Variants in ARHGAP12 observed in about 807,000 individuals in gnomAD.
The protein encoded by ARHGAP12 is Rho GTPase activating protein 12.
In ARHGAP12, 64 loss-of-function variants were observed where a neutral mutation model predicts 108.6. The observed-to-expected ratio is 0.59, with a 90% CI of 0.48 to 0.73. ARHGAP12 has a LOEUF of 0.73. ARHGAP12 is among the 30% of genes least tolerant of loss of function. The pLI, the probability that ARHGAP12 is intolerant of heterozygous loss-of-function variation, is 0.00. For synonymous variants in ARHGAP12, 312 were observed against 337.2 expected, an observed-to-expected ratio of 0.93 and a Z score of 0.82; for missense variants, 940 against 1,005.9, an observed-to-expected ratio of 0.93 and a Z score of 0.89.
intron 3 of ARHGAP12, among the ~76,000 whole-genome samples, chr10:31,881,265 A>T (rs1218845797): frequency 6.7e-6 from 1 of 149,998 alleles, no homozygotes; most frequent in South Asian, 2.1e-4. Context: ...GTATCATGTT[A>T]AAAAAAAACA....
intron 3 of ARHGAP12, among the ~76,000 whole-genome samples, chr10:31,891,340 A>G (rs1458118181): frequency 6.6e-6 from 1 of 152,192 alleles, no homozygotes; most frequent in Non-Finnish European, 1.5e-5. Context: ...TCACTTATGA[A>G]GCTTAGTTAG....
Position 31,810,748 on chromosome 10 carries a change from C to T in ARHGAP12, c.1952-1G>A. On this transcript the variant is annotated splice_acceptor_variant, in intron 15 of 19. Coordinates refer to ENST00000344936, the MANE Select transcript of ARHGAP12 (RefSeq NM_018287.7). LOFTEE classifies it high-confidence loss of function. The stretch of plus-strand genomic sequence containing the variant: ...GCGAGATTGGATCCAAATACCTGAT[C>T]TGAAAAAGATTTATTTTTAAAAAGT... 6.2e-7 allele frequency: 1 copy of T among 1,601,684 alleles called. No individual in the cohort carries two copies. The highest frequency in any genetic ancestry group is 8.5e-7 in the Non-Finnish European group (1 of 1,173,476).
Position 31,843,586 on chromosome 10 carries a change from A to G in ARHGAP12, c.1171T>C (p.Tyr391His), listed in dbSNP as rs1372102111. Residue 391 changes from tyrosine to histidine, a missense_variant and splice_region_variant, in exon 7 of 20, where the codon TAT becomes CAT. Coordinates refer to ENST00000344936, the MANE Select transcript of ARHGAP12 (RefSeq NM_018287.7). ...CTTTGCTGCTGGGATGAAGCATTAT[A>G]CTAAAACAAAACAAAGCAAAAAACA... ...GSRSEWELPK[Y>H]NASSQQQREI... The G allele has an allele frequency of 6.3e-7, 1 of 1,588,044 alleles. No individual in the cohort carries two copies. Among genetic ancestry groups the G allele is most frequent in the Admixed American group, 1.9e-5 (1 of 51,328 alleles).
intron 3 of ARHGAP12, among the ~76,000 whole-genome samples, chr10:31,871,775 G>A (rs12266966): frequency 0.051 from 7,724 of 152,198 alleles, 659 homozygotes; most frequent in African/African-American, 0.17. Context: ...TGACAGAGAA[G>A]AGGTGACAGA....
intron 1 of ARHGAP12, among the ~76,000 whole-genome samples, chr10:31,927,258 GA>G (rs1269161843): frequency 8.2e-5 from 5 of 61,070 alleles, no homozygotes; most frequent in African/African-American, 4.5e-4. Flanking sequence ...TGCCTATTCA[GA>G]CCAGAGGAGG....
At chr10:31,865,602 G>T (rs749532110) in intron 3 of ARHGAP12, among the ~76,000 whole-genome samples, 5 of 151,992 alleles carry the variant, frequency 3.3e-5, no homozygotes, top group Non-Finnish European at 5.9e-5. Context: ...CTGGCCAGGC[G>T]CGGCGACTCA....
intron 1 of ARHGAP12, among the ~76,000 whole-genome samples, chr10:31,925,227 C>G (rs945008907): frequency 1.3e-5 from 2 of 152,122 alleles, no homozygotes; most frequent in African/African-American, 2.4e-5. Flanking sequence ...CTACCAGACC[C>G]AATACTGGCC....
At chr10:31,859,449 AGAG>A (rs887858793) in intron 4 of ARHGAP12, among the ~76,000 whole-genome samples, 2 of 142,428 alleles carry the variant, frequency 1.4e-5, no homozygotes, top group Admixed American at 7.3e-5. Flanking sequence ...ATTAAATATG[AGAG>A]GAGAAGACAG....
At position 31,874,898 on chromosome 10, in the gene ARHGAP12, C is replaced by T. The variant is rs565980584; in HGVS notation, c.685-13240G>A. ...CTGAGGCAAGAGAATCTCTTGAACC[C>T]GGGAGGCAGAGGTTGCAGTGAGCCA... On this transcript the variant is annotated intron_variant, in intron 3 of 19. Coordinates refer to ENST00000344936, the MANE Select transcript of ARHGAP12 (RefSeq NM_018287.7). Among the ~76,000 whole-genome samples the T allele has an allele frequency of 6.4e-5, 9 of 141,462 alleles. No homozygotes were observed. The East Asian group carries it at 1.3e-3, about 20-fold the overall frequency. 92.8% of individuals were successfully genotyped at this position (141,462 alleles called of 152,430 possible).
chr10:31,905,353 C>T (rs1412533080), intron 3 of ARHGAP12, among the ~76,000 whole-genome samples: 1 of 152,158 alleles, frequency 6.6e-6, no homozygotes, highest in African/African-American at 2.4e-5. Flanking sequence ...ACCGCAGCCT[C>T]CTGCATAGCT....
At position 31,817,801 on chromosome 10, in the gene ARHGAP12, G is replaced by A. The variant is rs777075091; in HGVS notation, c.1718C>T (p.Thr573Ile). The A allele has an allele frequency of 2.5e-6, 4 of 1,599,606 alleles. No homozygotes were observed. The highest frequency in any genetic ancestry group is 3.4e-6 in the Non-Finnish European group (4 of 1,173,182). The change falls in exon 13 of 20, where the codon ACA becomes ATA. Residue 573 changes from threonine to isoleucine, a missense_variant. Thr to Ile is a moderately conservative substitution (Grantham distance 89). Coordinates refer to ENST00000344936, the MANE Select transcript of ARHGAP12 (RefSeq NM_018287.7). ...INDWFKVLSS[T>I]INNQAVETDE... ...TCAACGACATACCTGATTATTGATT[G>A]TACTACTAAGAACTTTAAACCAATC...
intron 3 of ARHGAP12, among the ~76,000 whole-genome samples, chr10:31,868,940 C>T (rs1837436917): frequency 1.3e-5 from 2 of 152,008 alleles, no homozygotes; most frequent in Admixed American, 1.3e-4. Flanking sequence ...TTTTTAAGTA[C>T]TCTATGTGAT....
chr10:31,855,150 G>T (rs577130600), intron 4 of ARHGAP12, among the ~76,000 whole-genome samples: 2 of 140,326 alleles, frequency 1.4e-5, no homozygotes, highest in South Asian at 4.9e-4. Context: ...GGAAAGGGAG[G>T]GGGAGGAGAA....
At chr10:31,819,660 G>A (rs1438595403) in intron 12 of ARHGAP12, among the ~76,000 whole-genome samples, 1 of 152,182 alleles carries the variant, frequency 6.6e-6, no homozygotes, top group Non-Finnish European at 1.5e-5. Flanking sequence ...GCTCCCTTGA[G>A]AATGAAAGAT....
Position 31,861,447 on chromosome 10 carries a change from G to A in ARHGAP12, c.896C>T (p.Thr299Ile). Residue 299 changes from threonine to isoleucine, a missense_variant, in exon 4 of 20, where the codon ACT becomes ATT. Transcript: ENST00000344936. ...QERTWKPPRWTRDASISKGDF... is the reference protein window; with the variant it reads ...QERTWKPPRWIRDASISKGDF... ...TCCTTTGCTGATGCTTGCATCCCGA[G>A]TCCAACGAGGAGGTTTCCAAGTTCT... The A allele has an allele frequency of 6.2e-7, 1 of 1,614,120 alleles. No homozygotes were observed. The highest frequency in any genetic ancestry group is 1.3e-5 in the African/African-American group (1 of 75,040).
chr10:31,856,652 C>T (rs763011754), intron 4 of ARHGAP12, among the ~76,000 whole-genome samples: 1 of 152,064 alleles, frequency 6.6e-6, no homozygotes, highest in Non-Finnish European at 1.5e-5. Context: ...TCTAGGCATC[C>T]GTCAGAAGAG....
chr10:31,878,481 T>C (rs996753063), intron 3 of ARHGAP12, among the ~76,000 whole-genome samples: 2 of 152,242 alleles, frequency 1.3e-5, no homozygotes, highest in South Asian at 2.1e-4. Flanking sequence ...TCAGGTATTA[T>C]CTGTATAGCA....
At chr10:31,928,250 A>T (rs1393217181) in intron 1 of ARHGAP12, among the ~76,000 whole-genome samples, 3 of 148,576 alleles carry the variant, frequency 2.0e-5, no homozygotes, top group East Asian at 4.1e-4. Flanking sequence ...TTGCACATAG[A>T]CACGCACACA....
chr10:31,848,088 CAA>C lies in ARHGAP12; in HGVS notation c.1170+4427_1170+4428del, dbSNP rs538279752. 2.0e-3 allele frequency among the ~76,000 whole-genome samples: 312 copies of C among 152,284 alleles called. 2 individuals carry two copies. Among genetic ancestry groups the C allele is most frequent in the Middle Eastern group, 6.8e-3 (2 of 294 alleles). On this transcript the variant is annotated intron_variant, in intron 6 of 19. Coordinates refer to ENST00000344936, the MANE Select transcript of ARHGAP12 (RefSeq NM_018287.7). ...CGTGGCAATGGCAGAGGTGCAAGAG[CAA>C]GCCCTGACTACAAGCCCATTTCAAT...
Sources: allele counts gnomAD v4.1 joint callset (sites outside exome capture counted in the v4.1 genomes callset), GRCh38; gene constraint gnomAD v4.1.1; transcripts MANE v1.5; gene names NCBI Gene and HGNC (gene_info 2026-07-23, HGNC 2026-07-21).